The following ELAPOR2 variants were observed in gnomAD, a reference collection of about 807,000 sequenced individuals.
ELAPOR2 encodes the protein endosome-lysosome associated apoptosis and autophagy regulator family member 2, also known as endosome/lysosome-associated apoptosis and autophagy regulator family member 2.
In ELAPOR2, 89 loss-of-function variants were observed where a neutral mutation model predicts 120.7. That is an observed-to-expected ratio of 0.74 (90% CI 0.62 to 0.88). ELAPOR2 has a LOEUF of 0.88. Ranked by LOEUF, ELAPOR2 falls within the 40% of genes least tolerant of loss-of-function variation. ELAPOR2 has a pLI of 0.00. For synonymous variants in ELAPOR2, 444 were observed against 444.9 expected (o/e 1.00, Z 0.03); for missense variants, 1,134 against 1,251.6 (o/e 0.91, Z 1.42).
intron 5 of ELAPOR2, among the ~76,000 whole-genome samples, chr7:86,940,745 T>G: frequency 6.6e-6 from 1 of 152,050 alleles, no homozygotes; most frequent in East Asian, 1.9e-4. Context: ...TGAACTAATT[T>G]TAAGAGTTCC....
intron 2 of ELAPOR2, among the ~76,000 whole-genome samples, chr7:86,959,839 C>T (rs1255853689): frequency 1.3e-5 from 2 of 152,094 alleles, no homozygotes; most frequent in African/African-American, 4.8e-5. Flanking sequence ...TATGTCTTTT[C>T]TTAATGTAGG....
intron 2 of ELAPOR2, among the ~76,000 whole-genome samples, chr7:86,949,434 C>T (rs1199330138): frequency 2.0e-5 from 3 of 152,282 alleles, no homozygotes; most frequent in South Asian, 4.1e-4. Flanking sequence ...CCAGGCAGCA[C>T]GTTCCATGGA....
At chr7:86,906,275 C>T (rs1789009982) in intron 18 of ELAPOR2, among the ~76,000 whole-genome samples, 1 of 152,044 alleles carries the variant, frequency 6.6e-6, no homozygotes, top group Admixed American at 6.6e-5. Flanking sequence ...TGGCTTGTTG[C>T]CTTGGTTCTA....
At chr7:86,919,413 T>C (rs1584350700) in intron 10 of ELAPOR2, 103 bp from the exon 11 acceptor site, 1 of 652,216 alleles carries the variant, frequency 1.5e-6, no homozygotes, top group East Asian at 3.1e-5. Context: ...AGTGTTTCTG[T>C]TCAAAGTTAG....
At chr7:87,049,499 C>G (rs200966387) in intron 1 of ELAPOR2, among the ~76,000 whole-genome samples, 2 of 152,056 alleles carry the variant, frequency 1.3e-5, no homozygotes, top group Non-Finnish European at 1.5e-5. Context: ...AGCTAGGATG[C>G]TCTCAATCTC....
rs948598634 is a variant in ELAPOR2, at chr7:86,878,120, G to C, written c.*2351C>G. 1 of 152,086 alleles carries C rather than the reference G, an allele frequency of 6.6e-6. No homozygotes were observed. Among genetic ancestry groups the C allele is most frequent in the East Asian group, 1.9e-4 (1 of 5,188 alleles). The allele number at this position is 152,086 out of a possible 1,614,324, so 9.4% of individuals were successfully genotyped here. ...ACAAATAACTTCTTCTACCACTTAG[G>C]GGGGAAAAGGAACAAGTGTCAATCA... On this transcript the variant is annotated 3_prime_UTR_variant, in exon 22 of 22. Coordinates refer to ENST00000450689, the MANE Select transcript of ELAPOR2 (RefSeq NM_001142749.3).
chr7:87,034,852 G>A (rs1269065858), intron 1 of ELAPOR2, among the ~76,000 whole-genome samples: 1 of 152,148 alleles, frequency 6.6e-6, no homozygotes, highest in Non-Finnish European at 1.5e-5. Context: ...GGAGGCCAAG[G>A]CGGCTGGATC....
At chr7:87,040,894 T>A (rs891486487) in intron 1 of ELAPOR2, among the ~76,000 whole-genome samples, 10 of 151,884 alleles carry the variant, frequency 6.6e-5, no homozygotes, top group Admixed American at 2.0e-4. Flanking sequence ...ATAACTAGAA[T>A]AACCAATACA....
At chr7:87,045,385 T>C (rs1189721148) in intron 1 of ELAPOR2, among the ~76,000 whole-genome samples, 29 of 150,364 alleles carry the variant, frequency 1.9e-4, no homozygotes, top group African/African-American at 7.2e-4. Flanking sequence ...TAGACTGGAT[T>C]AAGAAAATGT....
At chr7:87,031,459 A>G (rs537861147) in intron 1 of ELAPOR2, among the ~76,000 whole-genome samples, 2 of 152,340 alleles carry the variant, frequency 1.3e-5, no homozygotes, top group East Asian at 3.9e-4. Context: ...ATTAATTGAT[A>G]GTTAAATGAT....
rs140578808 is a variant in ELAPOR2 at position 86,996,554 on chromosome 7, T to C, written c.190-31530A>G. Among the ~76,000 whole-genome samples, 128 of 152,336 alleles carry C rather than the reference T, an allele frequency of 8.4e-4. 1 individual carries two copies. Among genetic ancestry groups the C allele is most frequent in the South Asian group, 6.8e-3 (33 of 4,822 alleles). ...GGCCTTAGATATCTTAAAACGGAGA[T>C]TGGATTTTATCCTCAGTGAAATGGG... On this transcript the variant is annotated intron_variant, in intron 1 of 21. Coordinates refer to ENST00000450689, the MANE Select transcript of ELAPOR2 (RefSeq NM_001142749.3).
At chr7:87,053,255 A>G (rs555579358) in intron 1 of ELAPOR2, among the ~76,000 whole-genome samples, 2 of 152,300 alleles carry the variant, frequency 1.3e-5, no homozygotes, top group South Asian at 4.1e-4. Context: ...AGTGCTCCCA[A>G]AGAAAAGGAT....
chr7:87,027,600 T>C (rs1411158728), intron 1 of ELAPOR2, among the ~76,000 whole-genome samples: 1 of 152,154 alleles, frequency 6.6e-6, no homozygotes, highest in East Asian at 1.9e-4. Context: ...AAATCCAATA[T>C]GGCTGCTATC....
At position 86,908,465 on chromosome 7, in the gene ELAPOR2, T is replaced by C. The variant is rs1322810382; in HGVS notation, c.2438A>G (p.Asp813Gly). Reference sequence around the variant, plus strand: ...CACTTACTTATAAAAGAAATGCACATCTGGTATTTGGCTTGTTGGAACTGG... The same window carrying C: ...CACTTACTTATAAAAGAAATGCACACCTGGTATTTGGCTTGTTGGAACTGG... ...MFPVPTSQIPDVHFFYKSSTA... is the reference protein window; with the variant it reads ...MFPVPTSQIPGVHFFYKSSTA... The change falls in exon 17 of 22, where the codon GAT becomes GGT. Residue 813 changes from aspartate to glycine, a missense_variant. By Grantham distance (94) the Asp-to-Gly change is moderately conservative (BLOSUM62 -1). Transcript: ENST00000450689. The C allele has an allele frequency of 6.3e-7, 1 of 1,575,348 alleles. No homozygotes were observed.
rs192107898 is a variant in ELAPOR2 at position 86,950,012 on chromosome 7, C to G, written c.311-2090G>C. 2.6e-5 allele frequency among the ~76,000 whole-genome samples: 4 copies of G among 152,322 alleles called. No homozygotes were observed. The East Asian group carries it at 7.7e-4, about 29-fold the overall frequency. On this transcript the variant is annotated intron_variant, in intron 2 of 21. Coordinates refer to ENST00000450689, the MANE Select transcript of ELAPOR2 (RefSeq NM_001142749.3). ...TGGGAACTTGTGGTGCTTTTTCCCC[C>G]CAGACTGCCCATGGCCGCCCATTGA... is the stretch of plus-strand genomic sequence containing the variant.
At chr7:86,924,803 G>A (rs1226099551) in intron 10 of ELAPOR2, among the ~76,000 whole-genome samples, 1 of 151,644 alleles carries the variant, frequency 6.6e-6, no homozygotes. Flanking sequence ...ACACACATAC[G>A]TGTTTACAAT....
chr7:87,041,228 G>T (rs1742515397), intron 1 of ELAPOR2, among the ~76,000 whole-genome samples: 1 of 151,960 alleles, frequency 6.6e-6, no homozygotes, highest in Non-Finnish European at 1.5e-5. Flanking sequence ...ATCTAGCAAG[G>T]CAGGCCAACG....
At chr7:86,995,977 T>C (rs536044218) in intron 1 of ELAPOR2, among the ~76,000 whole-genome samples, 1 of 152,288 alleles carries the variant, frequency 6.6e-6, no homozygotes, top group South Asian at 2.1e-4. Flanking sequence ...GTCACAATGA[T>C]AGTGCAGGGA....
chr7:86,955,858 G>A (rs1467201389), intron 2 of ELAPOR2, among the ~76,000 whole-genome samples: 5 of 151,148 alleles, frequency 3.3e-5, no homozygotes, highest in Non-Finnish European at 5.9e-5. Context: ...ATAAACCCAC[G>A]GTTACCATGC....
Sources: allele counts gnomAD v4.1 joint callset (sites outside exome capture counted in the v4.1 genomes callset), GRCh38; gene constraint gnomAD v4.1.1; transcripts MANE v1.5; gene names NCBI Gene and HGNC (gene_info 2026-07-23, HGNC 2026-07-21).